Variants in ARHGAP17 observed in about 807,000 individuals in gnomAD.
The protein encoded by ARHGAP17 is rho GTPase-activating protein 17.
ARHGAP17 carries 57 observed loss-of-function variants against 99.5 expected under a neutral mutation model. That is an observed-to-expected ratio of 0.57 (90% CI 0.46 to 0.71). The LOEUF (loss-of-function observed/expected upper bound fraction) is 0.71, where lower values mean the gene tolerates loss of function less well. Among genes scored for constraint, ARHGAP17 ranks in the 30% least tolerant of loss-of-function variants. The pLI is 0.00. For synonymous variants in ARHGAP17, 417 were observed against 429.6 expected (o/e 0.97, Z 0.36); for missense variants, 1,000 against 1,122.4 (o/e 0.89, Z 1.56).
rs554044343 is a variant in ARHGAP17, at chr16:24,935,741, G to A, written c.1725-102C>T. ...AGATTCCAAGCAGAGTTTTCACTTC[G>A]GCAGGCAGGAAAAGGATCTGAAATT... On this transcript the variant is annotated intron_variant, in intron 17 of 19. Coordinates refer to ENST00000289968, the MANE Select transcript of ARHGAP17 (RefSeq NM_001006634.3). 1.9e-4 allele frequency: 245 copies of A among 1,271,920 alleles called. 1 individual carries two copies. The East Asian group carries it at 3.3e-3, about 17-fold the overall frequency. 78.8% of individuals were successfully genotyped at this position (1,271,920 alleles called of 1,614,324 possible). A position where few individuals can be genotyped will look rare whatever the true frequency, so the allele number is the denominator to read the frequency against.
Position 24,925,403 on chromosome 16 carries a change from A to G in ARHGAP17, c.2516-5143T>C, listed in dbSNP as rs139591414. Among the ~76,000 whole-genome samples the G allele has an allele frequency of 2.4e-3, 361 of 152,274 alleles. 2 individuals carry two copies. Among genetic ancestry groups the G allele is most frequent in the African/African-American group, 8.3e-3 (344 of 41,560 alleles). The stretch of plus-strand genomic sequence containing the variant: ...CAAAAAATACACAAAATAAATAAAC[A>G]GAAGAATGACAGTCCAACCAATCTG... On this transcript the variant is annotated intron_variant, in intron 19 of 19. Coordinates refer to ENST00000289968, the MANE Select transcript of ARHGAP17 (RefSeq NM_001006634.3).
At chr16:24,991,317 C>T (rs932916712) in intron 1 of ARHGAP17, among the ~76,000 whole-genome samples, 1 of 152,160 alleles carries the variant, frequency 6.6e-6, no homozygotes, top group African/African-American at 2.4e-5. Flanking sequence ...TTTCGTGGCA[C>T]CTAGTGAGGG....
intron 18 of ARHGAP17, among the ~76,000 whole-genome samples, chr16:24,932,989 A>C (rs1208294860): frequency 1.3e-5 from 2 of 152,176 alleles, no homozygotes; most frequent in Admixed American, 1.3e-4. Flanking sequence ...ATCTCATTCA[A>C]GTTTCATAAG....
intron 14 of ARHGAP17, among the ~76,000 whole-genome samples, chr16:24,945,260 C>A (rs1173222183): frequency 6.6e-6 from 1 of 151,332 alleles, no homozygotes; most frequent in African/African-American, 2.4e-5. Flanking sequence ...GAGGTTGCGG[C>A]TGCAGTGAGC....
chr16:24,929,054 C>G (rs2050913341), intron 19 of ARHGAP17, among the ~76,000 whole-genome samples: 1 of 152,082 alleles, frequency 6.6e-6, no homozygotes, highest in Non-Finnish European at 1.5e-5. Context: ...CACCTGGGTC[C>G]TCTTTGGTTG....
intron 1 of ARHGAP17, among the ~76,000 whole-genome samples, chr16:25,009,448 G>T (rs1252201194): frequency 6.6e-6 from 1 of 152,030 alleles, no homozygotes; most frequent in East Asian, 1.9e-4. Flanking sequence ...GTGGGTGAGG[G>T]ATGCAGAATG....
Position 24,939,598 on chromosome 16 carries a change from C to T in ARHGAP17, c.1491-1G>A. ...GAAGTCCATAAGCTTCACACCAAAG[C>T]TACACAGAGAGAAGAAACAGTCAAC... On this transcript the variant is annotated splice_acceptor_variant, in intron 16 of 19. Transcript: ENST00000289968. LOFTEE classifies it high-confidence loss of function. 6.2e-7 allele frequency: 1 copy of T among 1,601,636 alleles called. No homozygotes were observed. Among genetic ancestry groups the T allele is most frequent in the Non-Finnish European group, 8.5e-7 (1 of 1,174,746 alleles).
At chr16:24,979,953 C>T (rs1021769192) in intron 1 of ARHGAP17, among the ~76,000 whole-genome samples, 22 of 152,168 alleles carry the variant, frequency 1.4e-4, no homozygotes, top group South Asian at 4.1e-4. Flanking sequence ...TCAAGTAATC[C>T]GCCCACCTTG....
chr16:24,924,039 A>G (rs1470237355), intron 19 of ARHGAP17, among the ~76,000 whole-genome samples: 2 of 152,202 alleles, frequency 1.3e-5, no homozygotes, highest in Non-Finnish European at 2.9e-5. Context: ...CACTTTGACA[A>G]GTAACAGATC....
intron 1 of ARHGAP17, among the ~76,000 whole-genome samples, chr16:24,992,781 A>G (rs923056289): frequency 6.6e-6 from 1 of 152,240 alleles, no homozygotes; most frequent in African/African-American, 2.4e-5. Context: ...GGATCATAAC[A>G]TGTAATCAAA....
chr16:25,002,100 T>C (rs1300205035), intron 1 of ARHGAP17, among the ~76,000 whole-genome samples: 2 of 148,978 alleles, frequency 1.3e-5, no homozygotes, highest in Non-Finnish European at 3.0e-5. Context: ...AAAATGTTGA[T>C]GCAAACATAT....
At position 24,935,512 on chromosome 16, in the gene ARHGAP17, G is replaced by A. The variant is rs760929189; in HGVS notation, c.1852C>T (p.Pro618Ser). The change falls in exon 18 of 20, where the codon CCT becomes TCT. Residue 618 changes from proline to serine, a missense_variant. Pro to Ser is a moderately conservative substitution (Grantham distance 74). Around this residue, in one of 2 missense-constraint regions of ARHGAP17, gnomAD observed 528 missense variants for 511.4 expected, o/e 1.03. Transcript: ENST00000289968. Reference protein sequence around the residue: ...AGSHQLSMGQPHNAAGPSPHT... With the variant: ...AGSHQLSMGQSHNAAGPSPHT... Reference sequence around the variant, plus strand: ...GGGCTGGGCCCTGCAGCATTGTGAGGTTGGCCCATGGAGAGCTGGTGGGAG... The same window carrying A: ...GGGCTGGGCCCTGCAGCATTGTGAGATTGGCCCATGGAGAGCTGGTGGGAG... The A allele has an allele frequency of 3.7e-6, 6 of 1,612,348 alleles. No individual in the cohort carries two copies. In the South Asian group the frequency reaches 6.6e-5, roughly 18 times the overall value.
intron 1 of ARHGAP17, among the ~76,000 whole-genome samples, chr16:24,995,176 G>A (rs9925359): frequency 0.032 from 4,869 of 152,218 alleles, 271 homozygotes; most frequent in African/African-American, 0.11. Flanking sequence ...TCCCTTCCAC[G>A]ACACGTGGGG....
At chr16:24,971,614 C>T (rs2052365509) in intron 3 of ARHGAP17, among the ~76,000 whole-genome samples, 1 of 152,202 alleles carries the variant, frequency 6.6e-6, no homozygotes, top group African/African-American at 2.4e-5. Flanking sequence ...AGGCATGAGC[C>T]ACCGCACCCA....
At chr16:24,982,434 A>C (rs2052700675) in intron 1 of ARHGAP17, among the ~76,000 whole-genome samples, 1 of 152,186 alleles carries the variant, frequency 6.6e-6, no homozygotes, top group African/African-American at 2.4e-5. Context: ...TGTAGAAAAA[A>C]ATCCAAACCC....
chr16:24,987,992 C>G (rs2052925658), intron 1 of ARHGAP17, among the ~76,000 whole-genome samples: 1 of 152,136 alleles, frequency 6.6e-6, no homozygotes, highest in Admixed American at 6.5e-5. Flanking sequence ...CAGAGCCCAC[C>G]CAGGGCTAGG....
At chr16:24,952,548 GAA>G (rs950566486) in intron 11 of ARHGAP17, among the ~76,000 whole-genome samples, 178 bp from the exon 12 acceptor site, 1 of 147,870 alleles carries the variant, frequency 6.8e-6, no homozygotes, top group Non-Finnish European at 1.5e-5. Flanking sequence ...TTCAATCTCT[GAA>G]AAAAAAAAGT....
Position 25,015,299 on chromosome 16 carries a change from G to A in ARHGAP17, c.-38C>T, listed in dbSNP as rs2053757514. On this transcript the variant is annotated 5_prime_UTR_variant, in exon 1 of 20. Coordinates refer to ENST00000289968, the MANE Select transcript of ARHGAP17 (RefSeq NM_001006634.3). ...GGCGGCGGCCCGCGGGGCTCGGGCC[G>A]GGCAGGGCGGGGGACAGCCTGGCAG... 5.4e-6 allele frequency: 7 copies of A among 1,303,358 alleles called. No homozygotes were observed. The highest frequency in any genetic ancestry group is 6.5e-5 in the East Asian group (2 of 30,846). 80.7% of individuals were successfully genotyped at this position (1,303,358 alleles called of 1,614,324 possible).
Position 24,977,311 on chromosome 16 carries a change from T to C in ARHGAP17, c.102A>G (p.Arg34=), listed in dbSNP as rs533494187. 2.3e-5 allele frequency: 36 copies of C among 1,581,894 alleles called. No homozygotes were observed. The African/African-American group carries it at 4.4e-4, about 19-fold the overall frequency. Residue 34 remains arginine, a synonymous_variant, in exon 3 of 20, where the codon AGA becomes AGG. Transcript: ENST00000289968. ...VLSEDLLQIE[R]RLDTVRSICH... ...ATATTGACCGCACCGTGTCCAGGCG[T>C]CTCTCAATCTGACAAGGCAGAGACA...
Sources: allele counts gnomAD v4.1 joint callset (sites outside exome capture counted in the v4.1 genomes callset), GRCh38; gene constraint gnomAD v4.1.1; regional missense constraint gnomAD v4.1.1; transcripts MANE v1.5; gene names NCBI Gene and HGNC (gene_info 2026-07-23, HGNC 2026-07-21).